C3orf49: variants seen among roughly 807,000 people sequenced by gnomAD.
C3orf49 encodes putative uncharacterized protein C3orf49.
In C3orf49, 27 loss-of-function variants were observed where a neutral mutation model predicts 13.3. That is an observed-to-expected ratio of 2.02 (90% confidence interval 1.49 to 2.79). The LOEUF (loss-of-function observed/expected upper bound fraction) is 2.79. C3orf49 is among the 30% of genes most tolerant of loss of function. The pLI, the probability that C3orf49 is intolerant of heterozygous loss-of-function variation, is 0.00. For missense variants in C3orf49, 242 were observed against 134.2 expected (o/e 1.80, Z -3.97); for synonymous variants, 87 against 47.6 (o/e 1.83, Z -3.40).
Position 63,839,859 on chromosome 3 carries a change from C to T in C3orf49, c.850-5164C>T, listed in dbSNP as rs1276574872. The T allele has an allele frequency of 1.2e-5, 13 of 1,103,684 alleles. No homozygotes were observed. In the East Asian group the frequency reaches 2.7e-4, roughly 23 times the overall value. 68.4% of individuals were successfully genotyped at this position (1,103,684 alleles called of 1,614,324 possible). A position where few individuals can be genotyped will look rare whatever the true frequency, so the allele number is the denominator to read the frequency against. On this transcript the variant is annotated intron_variant, in intron 5 of 6. Coordinates refer to ENST00000295896, the MANE Select transcript of C3orf49 (RefSeq NM_001355236.2). ...CAGTATCACTGTTCATTTGTTTATT[C>T]AAAAGAAAATTATTGAAATGTAAAT...
the C3orf49 span, among the ~76,000 whole-genome samples, chr3:63,801,236 T>G: frequency 1.3e-5 from 2 of 152,108 alleles, no homozygotes; most frequent in African/African-American, 4.8e-5. Flanking sequence ...CTCCAGTTAG[T>G]GGCCACTCCA....
At chr3:63,820,013 A>C (rs1484838075) in intron 1 of C3orf49, among the ~76,000 whole-genome samples, 1 of 152,226 alleles carries the variant, frequency 6.6e-6, no homozygotes, top group Non-Finnish European at 1.5e-5. Flanking sequence ...AATATGTACT[A>C]ATCACATTTC....
chr3:63,828,979 G>A (rs1487044632), intron 3 of C3orf49, among the ~76,000 whole-genome samples: 5 of 152,144 alleles, frequency 3.3e-5, no homozygotes, highest in Non-Finnish European at 5.9e-5. Flanking sequence ...AAAATTAGAA[G>A]TGCAGTTCCC....
intron 5 of C3orf49, chr3:63,837,833 T>C (rs185698486): frequency 3.5e-6 from 2 of 573,116 alleles, no homozygotes; most frequent in African/African-American, 3.9e-5. Context: ...TAAAGAATAA[T>C]ATAGTTTTAA....
At chr3:63,827,941 A>G (rs1459072155) in intron 3 of C3orf49, among the ~76,000 whole-genome samples, 1 of 152,072 alleles carries the variant, frequency 6.6e-6, no homozygotes, top group Non-Finnish European at 1.5e-5. Context: ...TCTGGGCAAC[A>G]GTGGATGGAG....
At chr3:63,794,328 C>A in the C3orf49 span, among the ~76,000 whole-genome samples, 1 of 151,890 alleles carries the variant, frequency 6.6e-6, no homozygotes, top group Non-Finnish European at 1.5e-5. Flanking sequence ...TCCACTCATG[C>A]CTGGATGCCA....
At chr3:63,840,596 A>G (rs1436298746) in intron 5 of C3orf49, among the ~76,000 whole-genome samples, 2 of 152,210 alleles carry the variant, frequency 1.3e-5, no homozygotes, top group African/African-American at 2.4e-5. Flanking sequence ...TGCTGTCTCC[A>G]AAGAAAAAAA....
At chr3:63,843,062 C>T (rs762208316) in intron 5 of C3orf49, among the ~76,000 whole-genome samples, 6 of 152,006 alleles carry the variant, frequency 3.9e-5, no homozygotes, top group African/African-American at 9.7e-5. Flanking sequence ...GCTGGAATTA[C>T]AGGCATGAGC....
intron 6 of C3orf49, among the ~76,000 whole-genome samples, chr3:63,846,554 C>T (rs994953612): frequency 5.3e-5 from 8 of 152,084 alleles, no homozygotes; most frequent in African/African-American, 1.7e-4. Flanking sequence ...ATTACAGGCA[C>T]CCACCACCAC....
upstream of C3orf49, among the ~76,000 whole-genome samples, chr3:63,819,096 T>TTTGTTG (rs142440061): frequency 1.3e-5 from 2 of 152,066 alleles, no homozygotes; most frequent in African/African-American, 2.4e-5. Context: ...GTGGGTGTTT[T>TTTGTTG]TTGTTGTTGT....
chr3:63,818,094 T>C (rs1701345110), upstream of C3orf49, among the ~76,000 whole-genome samples: 1 of 152,138 alleles, frequency 6.6e-6, no homozygotes, highest in Non-Finnish European at 1.5e-5. Flanking sequence ...CTTCAGCGTT[T>C]CTCAAATAAG....
rs1192421177 is a variant in C3orf49, at chr3:63,831,803, A to G, written c.808A>G (p.Arg270Gly). 5 of 701,418 alleles carry G rather than the reference A, an allele frequency of 7.1e-6. No individual in the cohort carries two copies. The highest frequency in any genetic ancestry group is 1.3e-5 in the Non-Finnish European group (5 of 384,726). 43.4% of individuals were successfully genotyped at this position (701,418 alleles called of 1,614,324 possible). A position where few individuals can be genotyped will look rare whatever the true frequency, so the allele number is the denominator to read the frequency against. Residue 270 changes from arginine to glycine, a missense_variant, in exon 5 of 7, where the codon AGG (arginine) becomes GGG (glycine). Arg to Gly is a moderately radical substitution (Grantham distance 125). Coordinates refer to ENST00000295896, the MANE Select transcript of C3orf49 (RefSeq NM_001355236.2). ...TCTTCAGTCTTCTAAACAGTTCCAGAGGATATCCAAGAGAACCATGAGGAA... is the reference window on the plus strand; with the variant it reads ...TCTTCAGTCTTCTAAACAGTTCCAGGGGATATCCAAGAGAACCATGAGGAA... ...EILQSSKQFQRISKRTMRKYK... is the reference protein window; with the variant it reads ...EILQSSKQFQGISKRTMRKYK...
intron 3 of C3orf49, among the ~76,000 whole-genome samples, chr3:63,829,589 C>A (rs1018547236): frequency 8.5e-5 from 13 of 152,126 alleles, no homozygotes; most frequent in African/African-American, 3.1e-4. Context: ...GAATTTCTGT[C>A]CATCAAATGG....
the C3orf49 span, among the ~76,000 whole-genome samples, chr3:63,802,095 C>T: frequency 6.6e-6 from 1 of 152,188 alleles, no homozygotes; most frequent in African/African-American, 2.4e-5. Flanking sequence ...TTTTCCCAAC[C>T]TGCCTATGCA....
chr3:63,834,360 TAA>T (rs879395587), intron 5 of C3orf49, among the ~76,000 whole-genome samples: 1 of 146,376 alleles, frequency 6.8e-6, no homozygotes. Context: ...AGACTTCACT[TAA>T]AAAAAAAAAA....
chr3:63,839,598 A>G (rs1701713551), intron 5 of C3orf49: 2 of 1,424,384 alleles, frequency 1.4e-6, no homozygotes, highest in Admixed American at 3.4e-5. Context: ...GGACCTTAAT[A>G]TAGGGCCTAA....
the C3orf49 span, chr3:63,785,987 C>A: frequency 2.0e-5 from 3 of 152,298 alleles, no homozygotes; most frequent in South Asian, 4.1e-4. Context: ...CTTCTAGATT[C>A]ACTTTCAAAA....
chr3:63,830,625 AG>A (rs1048056633), intron 3 of C3orf49, among the ~76,000 whole-genome samples: 1 of 152,188 alleles, frequency 6.6e-6, no homozygotes, highest in African/African-American at 2.4e-5. Context: ...CAATGGGAAA[AG>A]TATCAGGCAT....
the C3orf49 span, among the ~76,000 whole-genome samples, chr3:63,792,380 G>A: frequency 3.9e-5 from 6 of 152,040 alleles, no homozygotes; most frequent in Non-Finnish European, 7.4e-5. Flanking sequence ...ATTGTTTTTC[G>A]GCGTGAATAA....
Sources: allele counts gnomAD v4.1 joint callset (sites outside exome capture counted in the v4.1 genomes callset), GRCh38; gene constraint gnomAD v4.1.1; transcripts MANE v1.5; gene names NCBI Gene and HGNC (gene_info 2026-07-23, HGNC 2026-07-21).